Variants in ECT2L observed in about 807,000 individuals in gnomAD.
ECT2L encodes the protein epithelial cell-transforming sequence 2 oncogene-like.
In ECT2L, 126 loss-of-function variants were observed where a neutral mutation model predicts 122.8. That is an observed-to-expected ratio of 1.03 (90% CI 0.89 to 1.19). The LOEUF is 1.19. Ranked by LOEUF, ECT2L falls within the 50% of genes most tolerant of loss-of-function variation. ECT2L has a pLI of 0.00. For missense variants in ECT2L, 1,012 were observed against 1,064.1 expected (o/e 0.95, Z 0.68); for synonymous variants, 385 against 381.8 (o/e 1.01, Z -0.10).
At chr6:138,856,319 G>T (rs935906095) in intron 10 of ECT2L, among the ~76,000 whole-genome samples, 4 of 151,886 alleles carry the variant, frequency 2.6e-5, no homozygotes, top group Admixed American at 6.6e-5. Flanking sequence ...GGGCTCAAGC[G>T]ATTCTTCTGC....
intron 4 of ECT2L, chr6:138,823,128 C>A: frequency 6.8e-7 from 1 of 1,460,150 alleles, no homozygotes; most frequent in Non-Finnish European, 9.3e-7. Context: ...CTCTGGAATG[C>A]AGTTTCTGGC....
chr6:138,856,687 T>C (rs183469132), intron 10 of ECT2L, among the ~76,000 whole-genome samples: 4 of 152,300 alleles, frequency 2.6e-5, no homozygotes, highest in African/African-American at 9.6e-5. Context: ...CCCAATTCAT[T>C]TGGTTAAAAC....
chr6:138,891,301 A>G (rs933987845), intron 20 of ECT2L, among the ~76,000 whole-genome samples: 1 of 152,250 alleles, frequency 6.6e-6, no homozygotes, highest in Non-Finnish European at 1.5e-5. Context: ...ATGGCCCTGC[A>G]AAGTCATCTC....
In ECT2L at chr6:138,885,890, CCACT is replaced by C. The variant is rs925565689; in HGVS notation, c.2259+63_2259+66del. ...ATGTTACAATGCCTTTGTGGTACTC[CCACT>C]CAAAGATCCTGAGACACCTTATCTT... On this transcript the variant is annotated intron_variant, in intron 18 of 21. Coordinates refer to ENST00000541398, the MANE Select transcript of ECT2L (RefSeq NM_001077706.3). 1.3e-5 allele frequency: 19 copies of C among 1,518,760 alleles called. No homozygotes were observed. In the African/African-American group the frequency reaches 1.4e-4, roughly 11 times the overall value. The allele number at this position is 1,518,760 out of a possible 1,614,324, so 94.1% of individuals were successfully genotyped here.
intron 8 of ECT2L, among the ~76,000 whole-genome samples, chr6:138,847,354 A>ATTTTTTTTTTTTTTTTTTTTTTTTTTTT (rs1562471985): frequency 9.0e-6 from 1 of 111,016 alleles, no homozygotes; most frequent in African/African-American, 4.0e-5. Context: ...AAAGGCCCAA[A>ATTTTTTTTTTTTTTTTTTTTTTTTTTTT]CTTTTTTTTT....
At chr6:138,875,977 G>A (rs1474461292) in intron 13 of ECT2L, among the ~76,000 whole-genome samples, 1 of 152,076 alleles carries the variant, frequency 6.6e-6, no homozygotes, top group African/African-American at 2.4e-5. Flanking sequence ...AAAAATTAGT[G>A]GGGCGTGGTA....
At chr6:138,870,121 T>A (rs1190253330) in intron 13 of ECT2L, 1 of 152,660 alleles carries the variant, frequency 6.6e-6, no homozygotes, top group African/African-American at 2.4e-5. Flanking sequence ...TCTGCTGCAG[T>A]ATTGACATCT....
chr6:138,816,866 A>C (rs1776087511), intron 4 of ECT2L, among the ~76,000 whole-genome samples: 1 of 152,188 alleles, frequency 6.6e-6, no homozygotes, highest in Non-Finnish European at 1.5e-5. Flanking sequence ...CGGTACATTC[A>C]CAGAGTTGTG....
At chr6:138,880,010 C>T (rs1778590784) in intron 14 of ECT2L, among the ~76,000 whole-genome samples, 1 of 152,080 alleles carries the variant, frequency 6.6e-6, no homozygotes, top group African/African-American at 2.4e-5. Context: ...GGAAACATAA[C>T]ATAGCACATC....
At chr6:138,799,493 GATC>G (rs1775460022) in intron 1 of ECT2L, among the ~76,000 whole-genome samples, 1 of 152,046 alleles carries the variant, frequency 6.6e-6, no homozygotes, top group African/African-American at 2.4e-5. Flanking sequence ...CTGACCTCAT[GATC>G]CGCCCGCCTT....
intron 12 of ECT2L, among the ~76,000 whole-genome samples, chr6:138,865,734 C>T (rs1778012000): frequency 6.6e-6 from 1 of 152,230 alleles, no homozygotes; most frequent in Admixed American, 6.5e-5. Context: ...AACTTTGCAT[C>T]TTTACCTAAA....
rs1279016200 is a variant in ECT2L, at chr6:138,868,101, A to T, written c.1475-2A>T. ...ACAGGGCATGTGGCCTTGTATTTAC[A>T]GGGCAGTTTATGTTTGACACCATGG... is the stretch of plus-strand genomic sequence containing the variant. On this transcript the variant is annotated splice_acceptor_variant, in intron 12 of 21. Coordinates refer to ENST00000541398, the MANE Select transcript of ECT2L (RefSeq NM_001077706.3). LOFTEE classifies it high-confidence loss of function. 6.2e-7 allele frequency: 1 copy of T among 1,602,160 alleles called. No homozygotes were observed. Among genetic ancestry groups the T allele is most frequent in the Non-Finnish European group, 8.5e-7 (1 of 1,174,174 alleles).
intron 1 of ECT2L, among the ~76,000 whole-genome samples, chr6:138,807,132 T>C (rs186051334): frequency 1.6e-3 from 241 of 150,570 alleles, no homozygotes; most frequent in Non-Finnish European, 2.9e-3. Context: ...TTTTTTTAAC[T>C]CCACTAATGG....
At chr6:138,828,105 G>A (rs1441739742) in intron 4 of ECT2L, among the ~76,000 whole-genome samples, 1 of 151,974 alleles carries the variant, frequency 6.6e-6, no homozygotes, top group Non-Finnish European at 1.5e-5. Context: ...GCCCTGGTGT[G>A]TGATGTTCCC....
intron 17 of ECT2L, 30 bp downstream of exon 17, chr6:138,885,609 T>A (rs752453295): frequency 6.2e-7 from 1 of 1,613,600 alleles, no homozygotes; most frequent in East Asian, 2.2e-5. Context: ...ACAGCAGGGG[T>A]CCCCCCAGAG....
intron 8 of ECT2L, among the ~76,000 whole-genome samples, chr6:138,847,613 G>A (rs1342595710): frequency 1.4e-5 from 2 of 148,096 alleles, no homozygotes; most frequent in South Asian, 2.1e-4. Context: ...TCCTGACCTC[G>A]TGATCCGCCT....
At chr6:138,873,280 C>G (rs1778317174) in intron 13 of ECT2L, among the ~76,000 whole-genome samples, 1 of 152,174 alleles carries the variant, frequency 6.6e-6, no homozygotes, top group Non-Finnish European at 1.5e-5. Context: ...ATTTGATTCT[C>G]TACTATTTAA....
intron 16 of ECT2L, 22 bp downstream of exon 16, chr6:138,882,893 C>CA (rs1177585336): frequency 6.2e-7 from 1 of 1,610,968 alleles, no homozygotes; most frequent in South Asian, 1.1e-5. Context: ...TCAATTCCAT[C>CA]ATTCTATAAG....
chr6:138,880,772 C>A (rs6902027), intron 14 of ECT2L, among the ~76,000 whole-genome samples, 185 bp from the exon 15 acceptor site: 32,021 of 152,080 alleles, frequency 0.21, 3,826 homozygotes, highest in African/African-American at 0.34. Context: ...AGGCTGGCCC[C>A]ATATGAGGGG....
Sources: gnomAD v4.1 joint callset for allele counts (sites outside exome capture counted in the v4.1 genomes callset) on GRCh38, gnomAD v4.1.1 for gene constraint, MANE v1.5 for transcripts, NCBI Gene and HGNC (gene_info 2026-07-23, HGNC 2026-07-21) for gene names.